RPRD1B: variants seen among roughly 807,000 people sequenced by gnomAD.
RPRD1B encodes the protein regulation of nuclear pre-mRNA domain containing 1B.
Under a neutral mutation model 41.5 loss-of-function variants are expected in RPRD1B, and 11 were observed. The observed-to-expected ratio is 0.27, with a 90% CI of 0.17 to 0.44. RPRD1B has a LOEUF of 0.44. Among genes scored for constraint, RPRD1B ranks in the 20% least tolerant of loss-of-function variants. The pLI, the probability that RPRD1B is intolerant of heterozygous loss-of-function variation, is 1.00. For missense variants in RPRD1B, 248 were observed against 389.9 expected (o/e 0.64, Z 3.06); for synonymous variants, 158 against 155.6 (o/e 1.02, Z -0.12).
At chr20:38,051,658 G>C (rs1327542349) in intron 3 of RPRD1B, among the ~76,000 whole-genome samples, 2 of 151,916 alleles carry the variant, frequency 1.3e-5, no homozygotes, top group East Asian at 3.9e-4. Context: ...TTTCAATATT[G>C]GTAGGAATTT....
intron 2 of RPRD1B, among the ~76,000 whole-genome samples, chr20:38,045,161 G>A (rs928241425): frequency 6.6e-6 from 1 of 152,154 alleles, no homozygotes; most frequent in Non-Finnish European, 1.5e-5. Context: ...AATATGAAGT[G>A]TTCAACGTAA....
chr20:38,079,817 C>T (rs2074497398), intron 6 of RPRD1B, among the ~76,000 whole-genome samples: 1 of 152,194 alleles, frequency 6.6e-6, no homozygotes, highest in Non-Finnish European at 1.5e-5. Context: ...TCCACAGTAG[C>T]TGAACTAATT....
At chr20:38,070,298 A>G in intron 6 of RPRD1B, 1 of 985,432 alleles carries the variant, frequency 1.0e-6, no homozygotes, top group Non-Finnish European at 1.2e-6. Flanking sequence ...TGCTGCTGAA[A>G]ATCTGTGGGT....
chr20:38,060,744 C>T (rs2074288962), intron 5 of RPRD1B, among the ~76,000 whole-genome samples: 1 of 152,238 alleles, frequency 6.6e-6, no homozygotes, highest in South Asian at 2.1e-4. Flanking sequence ...TGCTTTCCCA[C>T]CCCAGGAATT....
intron 3 of RPRD1B, among the ~76,000 whole-genome samples, chr20:38,055,184 GATA>G (rs1793978158): frequency 6.6e-6 from 1 of 152,122 alleles, no homozygotes; most frequent in South Asian, 2.1e-4. Context: ...AAACAAAAGA[GATA>G]ATAAACTAAT....
chr20:38,082,707 T>C (rs1316788843), intron 6 of RPRD1B, among the ~76,000 whole-genome samples: 1 of 152,198 alleles, frequency 6.6e-6, no homozygotes, highest in Non-Finnish European at 1.5e-5. Context: ...TTTTCTGACT[T>C]CTGCCACAGC....
In RPRD1B at chr20:38,045,083, C is replaced by T. The variant is rs562137639; in HGVS notation, c.282-3265C>T. 6.6e-5 allele frequency among the ~76,000 whole-genome samples: 10 copies of T among 152,320 alleles called. No homozygotes were observed. In the East Asian group the frequency reaches 1.2e-3, roughly 18 times the overall value. ...GTGTGTATCATATACATTTTTCACT[C>T]TTAAAGGTCAGTTTTGCTATCTGTA... is the stretch of plus-strand genomic sequence containing the variant. On this transcript the variant is annotated intron_variant, in intron 2 of 6. Coordinates refer to ENST00000373433, the MANE Select transcript of RPRD1B (RefSeq NM_021215.4).
At chr20:38,066,935 G>A (rs1442391505) in intron 6 of RPRD1B, among the ~76,000 whole-genome samples, 1 of 152,208 alleles carries the variant, frequency 6.6e-6, no homozygotes, top group Non-Finnish European at 1.5e-5. Context: ...GATTACAGGT[G>A]TGAGCCACCG....
intron 6 of RPRD1B, chr20:38,070,554 C>T: frequency 1.0e-6 from 1 of 985,424 alleles, no homozygotes. Context: ...GCTCATAAGA[C>T]ATAGCGTGAG....
chr20:38,050,938 T>C (rs1157492205), intron 3 of RPRD1B, among the ~76,000 whole-genome samples: 1 of 152,246 alleles, frequency 6.6e-6, no homozygotes, highest in Non-Finnish European at 1.5e-5. Flanking sequence ...ACCACAGTCC[T>C]TTCAAATGTT....
chr20:38,046,576 G>A (rs560995965), intron 2 of RPRD1B, among the ~76,000 whole-genome samples: 4 of 152,326 alleles, frequency 2.6e-5, no homozygotes, highest in South Asian at 4.1e-4. Flanking sequence ...GGGGCAGGGA[G>A]TGTTATTTTC....
At chr20:38,079,385 G>A (rs2074493325) in intron 6 of RPRD1B, among the ~76,000 whole-genome samples, 1 of 152,000 alleles carries the variant, frequency 6.6e-6, no homozygotes, top group Non-Finnish European at 1.5e-5. Flanking sequence ...TACCTGATAG[G>A]TAGTTTTTCA....
At chr20:38,081,445 C>G (rs1385484492) in intron 6 of RPRD1B, among the ~76,000 whole-genome samples, 1 of 152,142 alleles carries the variant, frequency 6.6e-6, no homozygotes, top group African/African-American at 2.4e-5. Flanking sequence ...AACTAGGAGC[C>G]TTTGGGTAGA....
At chr20:38,047,593 C>T (rs75680461) in intron 2 of RPRD1B, among the ~76,000 whole-genome samples, 1 of 152,052 alleles carries the variant, frequency 6.6e-6, no homozygotes, top group African/African-American at 2.4e-5. Context: ...GAAAGTCTAA[C>T]CCAATCTTCT....
chr20:38,037,981 T>C, intron 1 of RPRD1B, among the ~76,000 whole-genome samples: 1 of 152,214 alleles, frequency 6.6e-6, no homozygotes, highest in Non-Finnish European at 1.5e-5. Flanking sequence ...TGTAGTAGTT[T>C]CACTTACATC....
rs1345835155 is a variant in RPRD1B at position 38,087,620 on chromosome 20, GAGA to G, written c.832-2103_832-2101del. Among the ~76,000 whole-genome samples the G allele has an allele frequency of 5.7e-4, 87 of 152,272 alleles. 1 individual carries two copies. Among genetic ancestry groups the G allele is most frequent in the South Asian group, 2.1e-4 (1 of 4,826 alleles). ...TACCCTTTTTATACCTTCCATTCAG[GAGA>G]AGTTTATTAGATGAATCCGTGTCCA... On this transcript the variant is annotated intron_variant, in intron 6 of 6. Transcript: ENST00000373433.
In RPRD1B at chr20:38,089,836, C is replaced by T; in HGVS notation, c.942C>T (p.Ala314=). 6.2e-7 allele frequency: 1 copy of T among 1,614,164 alleles called. No homozygotes were observed. The highest frequency in any genetic ancestry group is 8.5e-7 in the Non-Finnish European group (1 of 1,180,022). Residue 314 remains alanine, a synonymous_variant, in exon 7 of 7, where the codon GCC becomes GCT. Coordinates refer to ENST00000373433, the MANE Select transcript of RPRD1B (RefSeq NM_021215.4). ...SLLPNVTGGL[A]PLPSAGDLFS... Reference sequence around the variant, plus strand: ...TGCCCAACGTCACAGGGGGCTTAGCCCCCCTGCCCTCTGCTGGGGACCTGT... The same window carrying T: ...TGCCCAACGTCACAGGGGGCTTAGCTCCCCTGCCCTCTGCTGGGGACCTGT...
chr20:38,057,709 G>T (rs541305198), intron 4 of RPRD1B, 65 bp downstream of exon 4: 3 of 1,169,226 alleles, frequency 2.6e-6, no homozygotes, highest in African/African-American at 1.5e-5. Context: ...GAAGACTATG[G>T]CCACAAGGTG....
At chr20:38,077,336 T>C (rs905857843) in intron 6 of RPRD1B, among the ~76,000 whole-genome samples, 2 of 152,156 alleles carry the variant, frequency 1.3e-5, no homozygotes, top group African/African-American at 4.8e-5. Context: ...CTCATGTATC[T>C]CATTTCCACA....
Sources: gnomAD v4.1 joint callset for allele counts (sites outside exome capture counted in the v4.1 genomes callset) on GRCh38, gnomAD v4.1.1 for gene constraint, MANE v1.5 for transcripts, NCBI Gene and HGNC (gene_info 2026-07-23, HGNC 2026-07-21) for gene names.